Variants in SEMA3C observed in about 807,000 individuals in gnomAD.
SEMA3C encodes semaphorin-3C.
SEMA3C carries 47 observed loss-of-function variants against 89.4 expected under a neutral mutation model. That is an observed-to-expected ratio of 0.53 (90% CI 0.42 to 0.67). The LOEUF (loss-of-function observed/expected upper bound fraction) is 0.67. Among genes scored for constraint, SEMA3C ranks in the 30% least tolerant of loss-of-function variants. SEMA3C has a pLI of 0.00. For missense variants in SEMA3C, 839 were observed against 929.1 expected (o/e 0.90, Z 1.26); for synonymous variants, 310 against 320.2 (o/e 0.97, Z 0.34).
intron 2 of SEMA3C, among the ~76,000 whole-genome samples, chr7:80,853,443 A>G (rs891187826): frequency 2.6e-5 from 4 of 152,266 alleles, no homozygotes; most frequent in Non-Finnish European, 4.4e-5. Flanking sequence ...GCCATTAAAA[A>G]GAATGCGATC....
chr7:80,791,965 T>A (rs1014615951), intron 11 of SEMA3C, among the ~76,000 whole-genome samples: 7 of 152,112 alleles, frequency 4.6e-5, no homozygotes, highest in African/African-American at 1.7e-4. Flanking sequence ...AGACTAGAAC[T>A]TTTTACAGAT....
Position 80,794,357 on chromosome 7 carries a change from C to T in SEMA3C, c.1131+3735G>A, listed in dbSNP as rs192610232. Among the ~76,000 whole-genome samples the T allele has an allele frequency of 3.9e-3, 589 of 152,110 alleles. 4 individuals are homozygous for T. The highest frequency in any genetic ancestry group is 0.013 in the African/African-American group (550 of 41,484). ...ATATTTATTTTAAAAATTTTATTCA[C>T]GTTTTGAATAATGATGTGAGACGAT... On this transcript the variant is annotated intron_variant, in intron 11 of 17. Coordinates refer to ENST00000265361, the MANE Select transcript of SEMA3C (RefSeq NM_006379.5).
intron 11 of SEMA3C, among the ~76,000 whole-genome samples, chr7:80,795,213 C>T (rs551222586): frequency 1.7e-4 from 26 of 152,198 alleles, no homozygotes; most frequent in African/African-American, 3.4e-4. Context: ...GGAAGTGCAA[C>T]GAAGAGACAG....
At chr7:80,863,861 G>GTATCACATATATATGTATCACATATA (rs1790848414) in intron 2 of SEMA3C, among the ~76,000 whole-genome samples, 2 of 139,986 alleles carry the variant, frequency 1.4e-5, no homozygotes, top group Admixed American at 7.4e-5. Flanking sequence ...ACATACATAT[G>GTATCACATATATATGTATCACATATA]TATCACATAT....
intron 2 of SEMA3C, among the ~76,000 whole-genome samples, chr7:80,845,036 A>T (rs1157952036): frequency 6.6e-6 from 1 of 152,162 alleles, no homozygotes; most frequent in Non-Finnish European, 1.5e-5. Flanking sequence ...TGAACTCATC[A>T]GTGAGAAACC....
chr7:80,896,927 T>A (rs572518973), intron 2 of SEMA3C, among the ~76,000 whole-genome samples: 1 of 152,246 alleles, frequency 6.6e-6, no homozygotes, highest in Admixed American at 6.5e-5. Flanking sequence ...CTCCTGATGC[T>A]CCGTCTCGTG....
chr7:80,846,932 A>G (rs1000719878), intron 2 of SEMA3C, among the ~76,000 whole-genome samples: 3 of 152,176 alleles, frequency 2.0e-5, no homozygotes, highest in Non-Finnish European at 4.4e-5. Context: ...GCTGAACTCT[A>G]AAGTTCTTTC....
At chr7:80,896,920 C>T (rs904422871) in intron 2 of SEMA3C, among the ~76,000 whole-genome samples, 3 of 152,124 alleles carry the variant, frequency 2.0e-5, no homozygotes, top group Non-Finnish European at 4.4e-5. Context: ...TCACCCTCTC[C>T]TGATGCTCCG....
At chr7:80,797,358 A>G (rs1789089677) in intron 11 of SEMA3C, among the ~76,000 whole-genome samples, 1 of 152,124 alleles carries the variant, frequency 6.6e-6, no homozygotes, top group Non-Finnish European at 1.5e-5. Context: ...ATTCCAGTGC[A>G]CTGTCTGTAT....
chr7:80,761,392 T>C (rs1361827478), intron 14 of SEMA3C, among the ~76,000 whole-genome samples: 2 of 152,208 alleles, frequency 1.3e-5, no homozygotes, highest in South Asian at 2.1e-4. Flanking sequence ...GCTGTATATA[T>C]GTTCTGCTCC....
intron 6 of SEMA3C, 135 bp downstream of exon 6, chr7:80,810,476 T>C: frequency 1.7e-6 from 1 of 590,720 alleles, no homozygotes; most frequent in Non-Finnish European, 3.0e-6. Context: ...TCTCTATTTC[T>C]CAGCTCACAA....
At chr7:80,746,290 C>A (rs569006185) in intron 17 of SEMA3C, among the ~76,000 whole-genome samples, 2 of 151,754 alleles carry the variant, frequency 1.3e-5, no homozygotes, top group Non-Finnish European at 2.9e-5. Flanking sequence ...CACAAAAAGG[C>A]AAGTATAGTA....
intron 11 of SEMA3C, among the ~76,000 whole-genome samples, chr7:80,793,984 G>A (rs995892268): frequency 7.2e-5 from 11 of 151,846 alleles, no homozygotes; most frequent in African/African-American, 1.5e-4. Flanking sequence ...CTCATTTTAT[G>A]TTTCAACCTT....
At chr7:80,895,944 T>C (rs1791725623) in intron 2 of SEMA3C, among the ~76,000 whole-genome samples, 1 of 152,158 alleles carries the variant, frequency 6.6e-6, no homozygotes, top group Non-Finnish European at 1.5e-5. Context: ...ATAAAATTTG[T>C]AGTTGCTCCT....
chr7:80,835,339 T>G (rs1021094832), intron 2 of SEMA3C, among the ~76,000 whole-genome samples: 3 of 152,198 alleles, frequency 2.0e-5, no homozygotes, highest in Non-Finnish European at 4.4e-5. Flanking sequence ...GTTATTCTGT[T>G]TGGCTAGTCC....
intron 2 of SEMA3C, among the ~76,000 whole-genome samples, chr7:80,834,308 T>G (rs17154534): frequency 0.22 from 33,986 of 152,004 alleles, 4,011 homozygotes; most frequent in East Asian, 0.36. Flanking sequence ...GGGTAAAATT[T>G]GCTGCACAAT....
chr7:80,833,904 C>T (rs2115841606), intron 2 of SEMA3C, among the ~76,000 whole-genome samples: 1 of 152,090 alleles, frequency 6.6e-6, no homozygotes, highest in African/African-American at 2.4e-5. Flanking sequence ...GTGAATTGGC[C>T]ACGGTTATAG....
At chr7:80,882,495 CTG>C (rs1484865921) in intron 2 of SEMA3C, among the ~76,000 whole-genome samples, 1 of 128,172 alleles carries the variant, frequency 7.8e-6, no homozygotes, top group Admixed American at 9.4e-5. Flanking sequence ...CAAAATACGA[CTG>C]TATGAAAAAA....
chr7:80,803,682 T>C (rs1029660591), intron 8 of SEMA3C, among the ~76,000 whole-genome samples: 2 of 152,158 alleles, frequency 1.3e-5, no homozygotes, highest in African/African-American at 4.8e-5. Flanking sequence ...GGTTCCTTAA[T>C]AATCATCTCT....
Sources: allele counts gnomAD v4.1 joint callset (sites outside exome capture counted in the v4.1 genomes callset), GRCh38; gene constraint gnomAD v4.1.1; transcripts MANE v1.5; gene names NCBI Gene and HGNC (gene_info 2026-07-23, HGNC 2026-07-21).